ISCU: variants seen among roughly 807,000 people sequenced by gnomAD.
ISCU encodes iron-sulfur cluster assembly enzyme.
Under a neutral mutation model 18.4 loss-of-function variants are expected in ISCU, and 13 were observed. The observed-to-expected ratio is 0.71, with a 90% CI of 0.46 to 1.12. The LOEUF is 1.12. Among genes scored for constraint, ISCU ranks in the 50% most tolerant of loss-of-function variants. The pLI is 0.00. For synonymous variants in ISCU, 104 were observed against 87.5 expected (o/e 1.19, Z -1.06); for missense variants, 229 against 208.7 (o/e 1.10, Z -0.60).
In ISCU at chr12:108,569,169, C is replaced by T. The variant is rs2031039955; in HGVS notation, c.*253C>T. The T allele has an allele frequency of 1.6e-5, 8 of 498,530 alleles. No individual in the cohort carries two copies. Among genetic ancestry groups the T allele is most frequent in the Non-Finnish European group, 2.9e-5 (8 of 275,020 alleles). 30.9% of individuals were successfully genotyped at this position (498,530 alleles called of 1,614,324 possible). On this transcript the variant is annotated 3_prime_UTR_variant, in exon 5 of 5. Transcript: ENST00000311893. The stretch of plus-strand genomic sequence containing the variant: ...ATATTTTGAATTGTGTGTATGACCT[C>T]AGAACTGAAATTGATAATGAAGTTG...
intron 3 of ISCU, among the ~76,000 whole-genome samples, chr12:108,566,601 C>T (rs1310634006): frequency 2.0e-5 from 3 of 152,204 alleles, no homozygotes; most frequent in Admixed American, 1.3e-4. Context: ...ATCTGCCTGC[C>T]TCACATTATC....
At chr12:108,564,094 A>G (rs753556755) in intron 1 of ISCU, 185 bp from the exon 2 acceptor site, 1 of 1,612,850 alleles carries the variant, frequency 6.2e-7, no homozygotes, top group East Asian at 2.2e-5. Flanking sequence ...TAGAGGAGAC[A>G]CAAAAGGAAT....
intron 4 of ISCU, chr12:108,567,829 A>G (rs2030973229): frequency 1.3e-6 from 2 of 1,510,562 alleles, no homozygotes; most frequent in Non-Finnish European, 8.9e-7. Context: ...CCTAAAAAAA[A>G]GCCCAGATGC....
chr12:108,567,993 C>T, intron 4 of ISCU: 4 of 1,530,038 alleles, frequency 2.6e-6, no homozygotes, highest in South Asian at 2.4e-5. Context: ...TAAAAATCAG[C>T]AGAGAGTCAG....
intron 1 of ISCU, 95 bp from the exon 2 acceptor site, chr12:108,564,184 C>T (rs771921502): frequency 1.9e-6 from 3 of 1,577,628 alleles, no homozygotes; most frequent in Non-Finnish European, 2.6e-6. Flanking sequence ...TGATTGCCTG[C>T]CAGGTTCAAG....
At chr12:108,567,335 A>G (rs975463535) in intron 4 of ISCU, 67 bp downstream of exon 4, 1 of 1,292,414 alleles carries the variant, frequency 7.7e-7, no homozygotes, top group Non-Finnish European at 1.1e-6. Flanking sequence ...GGTTTGCAAC[A>G]GTCCTTTTAG....
chr12:108,563,712 C>G, intron 1 of ISCU: 1 of 331,746 alleles, frequency 3.0e-6, no homozygotes, highest in Non-Finnish European at 5.8e-6. Context: ...CTTGGACTAG[C>G]AGCCTTTCAG....
intron 1 of ISCU, 198 bp from the exon 2 acceptor site, chr12:108,564,081 T>C (rs1028064503): frequency 6.8e-6 from 11 of 1,610,266 alleles, no homozygotes; most frequent in Non-Finnish European, 8.5e-6. Context: ...CTGTGAAGTA[T>C]TGTAGAGGAG....
At chr12:108,568,690 A>G in intron 4 of ISCU, 141 bp from the exon 5 acceptor site, 2 of 1,501,564 alleles carry the variant, frequency 1.3e-6, no homozygotes, top group Non-Finnish European at 1.8e-6. Flanking sequence ...GTGCCCAGCA[A>G]CTCCTCACCC....
intron 4 of ISCU, 138 bp from the exon 5 acceptor site, chr12:108,568,693 C>A: frequency 6.6e-7 from 1 of 1,509,618 alleles, no homozygotes; most frequent in Non-Finnish European, 8.9e-7. Context: ...CCCAGCAACT[C>A]CTCACCCCAG....
chr12:108,568,452 G>A (rs1592795123), intron 4 of ISCU: 1 of 1,125,738 alleles, frequency 8.9e-7, no homozygotes, highest in Non-Finnish European at 1.1e-6. Context: ...GCTAGACTTT[G>A]ATGGGAGCAG....
At chr12:108,568,747 C>T (rs2031015119) in intron 4 of ISCU, 84 bp from the exon 5 acceptor site, 1 of 1,552,230 alleles carries the variant, frequency 6.4e-7, no homozygotes, top group African/African-American at 1.4e-5. Flanking sequence ...AGCACCACTT[C>T]CTCCCAGCTC....
chr12:108,563,661 C>G (rs1420453677), intron 1 of ISCU: 2 of 268,056 alleles, frequency 7.5e-6, no homozygotes, highest in South Asian at 3.9e-5. Context: ...ACTCCTCCCC[C>G]TCCCGGGGGT....
At chr12:108,567,464 G>C in intron 4 of ISCU, 196 bp downstream of exon 4, 1 of 720,282 alleles carries the variant, frequency 1.4e-6, no homozygotes. Context: ...CATGCCAGAA[G>C]GAGGTATGCA....
At chr12:108,562,915 T>C in intron 1 of ISCU, 179 bp downstream of exon 1, 1 of 403,594 alleles carries the variant, frequency 2.5e-6, no homozygotes, top group Non-Finnish European at 4.3e-6. Flanking sequence ...CAGTTACCGC[T>C]CATCGGGCGG....
chr12:108,564,907 G>A (rs902066078), intron 2 of ISCU: 1 of 262,578 alleles, frequency 3.8e-6, no homozygotes, highest in South Asian at 4.8e-5. Context: ...AACAAAACAG[G>A]AGGAAACCAC....
At chr12:108,567,358 A>C in intron 4 of ISCU, 90 bp downstream of exon 4, 1 of 1,051,538 alleles carries the variant, frequency 9.5e-7, no homozygotes, top group Non-Finnish European at 1.5e-6. Flanking sequence ...CATGGAGCCC[A>C]CGTTTGTAAC....
At chr12:108,561,955 G>A (rs73404715), upstream of ISCU, among the ~76,000 whole-genome samples, 3,780 of 152,224 alleles carry the variant, frequency 0.025, 152 homozygotes, top group African/African-American at 0.086. Flanking sequence ...TCATTAGCAG[G>A]CTTAATGGGC....
upstream of ISCU, chr12:108,562,564 C>G (rs931590913): frequency 3.0e-6 from 3 of 1,015,122 alleles, no homozygotes; most frequent in East Asian, 6.5e-5. Flanking sequence ...GGAGCCGACT[C>G]GCAGACGCGC....
Sources: allele counts gnomAD v4.1 joint callset (sites outside exome capture counted in the v4.1 genomes callset), GRCh38; gene constraint gnomAD v4.1.1; transcripts MANE v1.5; gene names NCBI Gene and HGNC (gene_info 2026-07-23, HGNC 2026-07-21).